KCTD8: variants seen among roughly 807,000 people sequenced by gnomAD.
KCTD8 encodes BTB/POZ domain-containing protein KCTD8.
In KCTD8, 27 loss-of-function variants were observed where a neutral mutation model predicts 31.5. That is an observed-to-expected ratio of 0.86 (90% confidence interval 0.63 to 1.18). KCTD8 has a LOEUF of 1.18. Among genes scored for constraint, KCTD8 ranks in the 50% most tolerant of loss-of-function variants. The pLI is 0.00. For missense variants in KCTD8, 658 were observed against 647.7 expected (o/e 1.02, Z -0.17); for synonymous variants, 290 against 280.0 (o/e 1.04, Z -0.36).
chr4:44,268,328 T>G lies in KCTD8; in HGVS notation c.962-93078A>C, dbSNP rs1042180205. ...TCTCAATAGATGCAGAAAAGGCCTT[T>G]GACAAAATTCAACAACCCTTCATGC... On this transcript the variant is annotated intron_variant, in intron 1 of 1. Coordinates refer to ENST00000360029, the MANE Select transcript of KCTD8 (RefSeq NM_198353.3). Among the ~76,000 whole-genome samples, 41 of 152,098 alleles carry G rather than the reference T, an allele frequency of 2.7e-4. 1 individual carries two copies. Among genetic ancestry groups the G allele is most frequent in the African/African-American group, 8.9e-4 (37 of 41,538 alleles).
intron 1 of KCTD8, among the ~76,000 whole-genome samples, chr4:44,401,011 C>CCTTT (rs1553905940): frequency 4.4e-4 from 42 of 95,914 alleles, no homozygotes; most frequent in African/African-American, 1.6e-3. Flanking sequence ...AATTTTCTTT[C>CCTTT]TTTTTTTTTT....
chr4:44,267,885 A>T (rs1323091756), intron 1 of KCTD8, among the ~76,000 whole-genome samples: 3 of 152,186 alleles, frequency 2.0e-5, no homozygotes, highest in Admixed American at 6.5e-5. Context: ...AGGCTCTTAA[A>T]TTGTGGCAAT....
At chr4:44,396,327 T>A (rs1474115807) in intron 1 of KCTD8, among the ~76,000 whole-genome samples, 5 of 152,264 alleles carry the variant, frequency 3.3e-5, no homozygotes, top group East Asian at 3.9e-4. Flanking sequence ...ATCACTCACC[T>A]CCTGCTTTGC....
rs555808231 is a variant in KCTD8 at position 44,411,068 on chromosome 4, C to T, written c.961+36495G>A. Among the ~76,000 whole-genome samples, 104 of 152,156 alleles carry T rather than the reference C, an allele frequency of 6.8e-4. 1 individual carries two copies. The highest frequency in any genetic ancestry group is 5.8e-3 in the Admixed American group (88 of 15,264). On this transcript the variant is annotated intron_variant, in intron 1 of 1. Coordinates refer to ENST00000360029, the MANE Select transcript of KCTD8 (RefSeq NM_198353.3). ...TGAATACTAGGTCCCAAGAATAGTGCATAAAAATGTAGAAAAACTCCATAT... is the reference window on the plus strand; with the variant it reads ...TGAATACTAGGTCCCAAGAATAGTGTATAAAAATGTAGAAAAACTCCATAT...
At chr4:44,390,278 T>A (rs949224789) in intron 1 of KCTD8, among the ~76,000 whole-genome samples, 4 of 152,068 alleles carry the variant, frequency 2.6e-5, no homozygotes, top group Non-Finnish European at 5.9e-5. Flanking sequence ...GTTCTTAGAT[T>A]TAAGACCTTC....
rs188433399 is a variant in KCTD8 at position 44,379,183 on chromosome 4, C to T, written c.961+68380G>A. On this transcript the variant is annotated intron_variant, in intron 1 of 1. Transcript: ENST00000360029. Reference sequence around the variant, plus strand: ...TATGAAGTAACATACTATCAGGTTGCCTGGATTAGATCATGGACATCTTTG... The same window carrying T: ...TATGAAGTAACATACTATCAGGTTGTCTGGATTAGATCATGGACATCTTTG... Among the ~76,000 whole-genome samples, 4 of 152,182 alleles carry T rather than the reference C, an allele frequency of 2.6e-5. No individual in the cohort carries two copies. The East Asian group carries it at 7.8e-4, about 30-fold the overall frequency.
chr4:44,318,336 T>C (rs1468801460), intron 1 of KCTD8, among the ~76,000 whole-genome samples: 1 of 152,126 alleles, frequency 6.6e-6, no homozygotes, highest in Non-Finnish European at 1.5e-5. Context: ...GTTCAAGCAA[T>C]CCTCCTGTCC....
intron 1 of KCTD8, among the ~76,000 whole-genome samples, chr4:44,333,218 G>A (rs1482393628): frequency 2.0e-5 from 3 of 152,024 alleles, no homozygotes; most frequent in African/African-American, 7.2e-5. Flanking sequence ...TAATATTAAA[G>A]ATGAAGACAG....
chr4:44,292,936 C>G (rs73815003), intron 1 of KCTD8, among the ~76,000 whole-genome samples: 4,487 of 152,150 alleles, frequency 0.029, 238 homozygotes, highest in African/African-American at 0.1. Flanking sequence ...GACTGTAGGA[C>G]ATATTTTTCT....
At chr4:44,383,276 C>A (rs1383030988) in intron 1 of KCTD8, among the ~76,000 whole-genome samples, 1 of 151,908 alleles carries the variant, frequency 6.6e-6, no homozygotes. Context: ...GCAATCCTAT[C>A]AAAATAGCAA....
chr4:44,226,371 T>C (rs761077742), intron 1 of KCTD8, among the ~76,000 whole-genome samples: 19 of 152,200 alleles, frequency 1.2e-4, no homozygotes, highest in Non-Finnish European at 8.8e-5. Flanking sequence ...GGACATGAAC[T>C]CATCCATTGT....
At chr4:44,344,885 A>T (rs1441531614) in intron 1 of KCTD8, among the ~76,000 whole-genome samples, 2 of 152,200 alleles carry the variant, frequency 1.3e-5, no homozygotes, top group African/African-American at 2.4e-5. Context: ...AGGAACATAC[A>T]TTCCTCTAAG....
chr4:44,281,472 C>T (rs1716903872), intron 1 of KCTD8, among the ~76,000 whole-genome samples: 1 of 152,082 alleles, frequency 6.6e-6, no homozygotes, highest in Admixed American at 6.6e-5. Context: ...ACAAATTCTT[C>T]TGGACACTAC....
chr4:44,271,244 T>C (rs1716590205), intron 1 of KCTD8, among the ~76,000 whole-genome samples: 1 of 152,144 alleles, frequency 6.6e-6, no homozygotes, highest in African/African-American at 2.4e-5. Flanking sequence ...TTAGGCTTCA[T>C]CCTCAATCAA....
chr4:44,380,834 T>C (rs968449469), intron 1 of KCTD8, among the ~76,000 whole-genome samples: 3 of 151,986 alleles, frequency 2.0e-5, no homozygotes, highest in Admixed American at 2.0e-4. Flanking sequence ...TTTCCTCTTA[T>C]AAAATGTTGA....
At chr4:44,224,547 T>A (rs971201314) in intron 1 of KCTD8, among the ~76,000 whole-genome samples, 2 of 152,142 alleles carry the variant, frequency 1.3e-5, no homozygotes, top group Non-Finnish European at 2.9e-5. Context: ...ATATTTCTTG[T>A]GTGTGTAATT....
At chr4:44,374,682 G>A (rs968904879) in intron 1 of KCTD8, among the ~76,000 whole-genome samples, 1 of 152,064 alleles carries the variant, frequency 6.6e-6, no homozygotes, top group African/African-American at 2.4e-5. Context: ...CTATAGGGAG[G>A]CTTGAGGTGA....
At chr4:44,284,154 A>C (rs1205345509) in intron 1 of KCTD8, among the ~76,000 whole-genome samples, 1 of 152,158 alleles carries the variant, frequency 6.6e-6, no homozygotes, top group Non-Finnish European at 1.5e-5. Flanking sequence ...GGAACCAAAA[A>C]AGAGCCCACA....
At chr4:44,303,761 T>C (rs1253944673) in intron 1 of KCTD8, among the ~76,000 whole-genome samples, 1 of 151,696 alleles carries the variant, frequency 6.6e-6, no homozygotes, top group East Asian at 1.9e-4. Flanking sequence ...TGCAGTGAAC[T>C]GAAATTGCAC....
Sources: allele counts gnomAD v4.1 joint callset (sites outside exome capture counted in the v4.1 genomes callset), GRCh38; gene constraint gnomAD v4.1.1; transcripts MANE v1.5; gene names NCBI Gene and HGNC (gene_info 2026-07-23, HGNC 2026-07-21).